ELAVL2: variants seen among roughly 807,000 people sequenced by gnomAD.
The protein encoded by ELAVL2 is ELAV-like protein 2.
In ELAVL2, 4 loss-of-function variants were observed where a neutral mutation model predicts 34.6. The observed-to-expected ratio is 0.12, with a 90% confidence interval of 0.06 to 0.26. The LOEUF is 0.26. Among genes scored for constraint, ELAVL2 ranks in the 10% least tolerant of loss-of-function variants. ELAVL2 has a pLI of 1.00. For missense variants in ELAVL2, 432 were observed against 442.8 expected (o/e 0.98, Z 0.22); for synonymous variants, 193 against 154.8 (o/e 1.25, Z -1.83).
At chr9:23,804,787 G>A (rs1289980147) in intron 1 of ELAVL2, among the ~76,000 whole-genome samples, 3 of 152,132 alleles carry the variant, frequency 2.0e-5, no homozygotes, top group Non-Finnish European at 2.9e-5. Context: ...AAGGCAAGTC[G>A]GGAACCAGCC....
chr9:23,778,434 C>T (rs962571813), intron 1 of ELAVL2, among the ~76,000 whole-genome samples: 1 of 152,194 alleles, frequency 6.6e-6, no homozygotes, highest in Non-Finnish European at 1.5e-5. Flanking sequence ...AACAATTTCA[C>T]ATTCATAAAA....
intron 3 of ELAVL2, among the ~76,000 whole-genome samples, chr9:23,707,789 G>C (rs1431361786): frequency 2.0e-5 from 3 of 152,118 alleles, no homozygotes; most frequent in Admixed American, 2.0e-4. Context: ...TAATCTATGT[G>C]ACATTATAAA....
chr9:23,753,696 T>C (rs1001280735), intron 2 of ELAVL2, among the ~76,000 whole-genome samples: 1 of 152,148 alleles, frequency 6.6e-6, no homozygotes, highest in African/African-American at 2.4e-5. Flanking sequence ...TTTTCCATCA[T>C]TCCTACGACA....
At chr9:23,731,710 G>T (rs757755614) in intron 2 of ELAVL2, among the ~76,000 whole-genome samples, 1 of 152,130 alleles carries the variant, frequency 6.6e-6, no homozygotes, top group Non-Finnish European at 1.5e-5. Context: ...TCCAAAGAGG[G>T]TTTTATGATC....
At chr9:23,709,197 A>G (rs940011475) in intron 3 of ELAVL2, among the ~76,000 whole-genome samples, 8 of 152,162 alleles carry the variant, frequency 5.3e-5, no homozygotes, top group Non-Finnish European at 1.0e-4. Flanking sequence ...TGGAATTAAA[A>G]CAGCTTCCTT....
chr9:23,791,139 A>C (rs2060273391), intron 1 of ELAVL2, among the ~76,000 whole-genome samples: 1 of 152,220 alleles, frequency 6.6e-6, no homozygotes, highest in Admixed American at 6.5e-5. Context: ...ATTGTATATC[A>C]ATTGTCAAAA....
chr9:23,748,580 A>G, intron 2 of ELAVL2, among the ~76,000 whole-genome samples: 1 of 152,168 alleles, frequency 6.6e-6, no homozygotes, highest in Non-Finnish European at 1.5e-5. Flanking sequence ...CAAAAGAATA[A>G]AACAAGCTTG....
At chr9:23,734,685 T>G (rs1423304670) in intron 2 of ELAVL2, among the ~76,000 whole-genome samples, 1 of 152,192 alleles carries the variant, frequency 6.6e-6, no homozygotes, top group Non-Finnish European at 1.5e-5. Context: ...AAATATCAGT[T>G]TTACTATATA....
At chr9:23,716,861 C>A (rs182406566) in intron 3 of ELAVL2, among the ~76,000 whole-genome samples, 22 of 152,230 alleles carry the variant, frequency 1.4e-4, no homozygotes, top group African/African-American at 5.3e-4. Flanking sequence ...CCCAGCTGAG[C>A]CAGAATAAAG....
chr9:23,759,275 G>A (rs569261669), intron 2 of ELAVL2, among the ~76,000 whole-genome samples: 40 of 151,944 alleles, frequency 2.6e-4, no homozygotes, highest in African/African-American at 9.4e-4. Flanking sequence ...CAGAAACATG[G>A]GTCAACTTAG....
At chr9:23,738,398 A>C (rs2048381236) in intron 2 of ELAVL2, among the ~76,000 whole-genome samples, 2 of 152,186 alleles carry the variant, frequency 1.3e-5, no homozygotes, top group East Asian at 3.9e-4. Context: ...GGTCAAGTTA[A>C]ACAGGTCTTC....
chr9:23,800,294 T>C (rs1007047654), intron 1 of ELAVL2, among the ~76,000 whole-genome samples: 23 of 152,176 alleles, frequency 1.5e-4, no homozygotes, highest in Non-Finnish European at 2.9e-4. Context: ...CCTAAAACAG[T>C]AGAGTTCCTA....
chr9:23,700,614 C>T (rs1308556613), intron 5 of ELAVL2, among the ~76,000 whole-genome samples: 2 of 152,158 alleles, frequency 1.3e-5, no homozygotes, highest in Non-Finnish European at 2.9e-5. Context: ...ATGGCTTTTA[C>T]ATTTTTAACA....
At chr9:23,714,972 G>GA (rs1174115825) in intron 3 of ELAVL2, among the ~76,000 whole-genome samples, 7 of 152,138 alleles carry the variant, frequency 4.6e-5, no homozygotes, top group Non-Finnish European at 7.3e-5. Context: ...TACGGCCAGA[G>GA]AACTAGACTG....
chr9:23,705,113 T>TCAC (rs2038873794), intron 3 of ELAVL2, 42 bp from the exon 4 acceptor site: 1 of 1,608,324 alleles, frequency 6.2e-7, no homozygotes, highest in South Asian at 1.1e-5. Flanking sequence ...GCATGCTCAC[T>TCAC]CACCCACCTC....
At chr9:23,731,151 C>CT (rs1241138113) in intron 2 of ELAVL2, 26 bp from the exon 3 acceptor site, 1 of 1,600,248 alleles carries the variant, frequency 6.2e-7, no homozygotes, top group African/African-American at 1.3e-5. Flanking sequence ...GGGAAAAAGG[C>CT]ATATATTAGT....
chr9:23,754,792 A>T (rs1189820475), intron 2 of ELAVL2, among the ~76,000 whole-genome samples: 3 of 152,162 alleles, frequency 2.0e-5, no homozygotes, highest in Non-Finnish European at 4.4e-5. Context: ...GGCTGAGGAA[A>T]ATAAGAAGTC....
intron 1 of ELAVL2, among the ~76,000 whole-genome samples, chr9:23,824,408 C>T (rs910242337): frequency 2.0e-5 from 3 of 152,180 alleles, no homozygotes; most frequent in African/African-American, 7.2e-5. Flanking sequence ...CACCGCCCTT[C>T]GCAGAGTCCA....
At chr9:23,763,557 G>T (rs956301934) in intron 1 of ELAVL2, among the ~76,000 whole-genome samples, 20 of 152,030 alleles carry the variant, frequency 1.3e-4, no homozygotes, top group African/African-American at 4.6e-4. Context: ...AGAACTTGAG[G>T]CAAAGAAAAA....
Sources: gnomAD v4.1 joint callset for allele counts (sites outside exome capture counted in the v4.1 genomes callset) on GRCh38, gnomAD v4.1.1 for gene constraint, MANE v1.5 for transcripts, NCBI Gene and HGNC (gene_info 2026-07-23, HGNC 2026-07-21) for gene names.